Variants in RGS12 observed in about 807,000 individuals in gnomAD.
RGS12 encodes the protein regulator of G protein signaling 12.
Under a neutral mutation model 120.1 loss-of-function variants are expected in RGS12, and 66 were observed. That is an observed-to-expected ratio of 0.55 (90% CI 0.45 to 0.67). The LOEUF is 0.67. Among genes scored for constraint, RGS12 ranks in the 30% least tolerant of loss-of-function variants. The probability of loss-of-function intolerance (pLI) is 0.00; values close to 1 mark genes in which losing one functional copy is unlikely to be tolerated. For synonymous variants in RGS12, 827 were observed against 804.7 expected (o/e 1.03, Z -0.47); for missense variants, 1,859 against 1,957.7 (o/e 0.95, Z 0.95).
rs753793385 is a variant in RGS12 at position 3,420,674 on chromosome 4, C to T, written c.2794C>T (p.Arg932Ter). 2 of 1,613,460 alleles carry T rather than the reference C, an allele frequency of 1.2e-6. No homozygotes were observed. The highest frequency in any genetic ancestry group is 1.7e-6 in the Non-Finnish European group (2 of 1,180,032). ...GCATGCCAATGGAGGCCTGTGTCGC[C>T]GAGAGTCGCAGGGCTCTGTGTCCTC... ...ALHANGGLCR[R>*]ESQGSVSSAG... The change falls in exon 10 of 18, where the codon CGA becomes TGA. Residue 932 changes from arginine (R) to a stop codon, truncating the protein, a stop_gained. Transcript: ENST00000336727. LOFTEE classifies it high-confidence loss of function.
chr4:3,338,888 AATCGGCGGTGATG>A (rs1183046573), intron 2 of RGS12, among the ~76,000 whole-genome samples: 55 of 152,256 alleles, frequency 3.6e-4, no homozygotes, highest in African/African-American at 1.2e-3. Context: ...AGGGGTGCTA[AATCGGCGGTGATG>A]ATCTGAATTT....
chr4:3,422,173 T>C (rs1234570173), intron 10 of RGS12, among the ~76,000 whole-genome samples: 1 of 152,224 alleles, frequency 6.6e-6, no homozygotes, highest in Admixed American at 6.5e-5. Context: ...GACCGCTCTC[T>C]CGTGTTAATT....
chr4:3,410,799 C>G (rs1199417266), intron 4 of RGS12, among the ~76,000 whole-genome samples: 1 of 152,186 alleles, frequency 6.6e-6, no homozygotes, highest in Non-Finnish European at 1.5e-5. Flanking sequence ...GTCCGGGGGC[C>G]TCCTCCTACC....
chr4:3,416,150 G>A (rs918326713), intron 7 of RGS12, 29 bp downstream of exon 7: 3 of 1,612,832 alleles, frequency 1.9e-6, no homozygotes, highest in Admixed American at 3.3e-5. Flanking sequence ...AGCTTGTGGG[G>A]AGTCCAGGCT....
intron 3 of RGS12, among the ~76,000 whole-genome samples, chr4:3,367,676 G>C (rs866442125): frequency 6.6e-6 from 1 of 152,226 alleles, no homozygotes; most frequent in African/African-American, 2.4e-5. Context: ...GCGGTCACAG[G>C]AGTTCTCCCA....
At chr4:3,386,713 G>A (rs760213609) in intron 4 of RGS12, among the ~76,000 whole-genome samples, 10 of 152,126 alleles carry the variant, frequency 6.6e-5, no homozygotes, top group Non-Finnish European at 1.0e-4. Context: ...GCACCCACCC[G>A]CCTGCCTGTG....
chr4:3,313,497 T>C (rs974288350), intron 1 of RGS12, among the ~76,000 whole-genome samples: 2 of 152,196 alleles, frequency 1.3e-5, no homozygotes, highest in African/African-American at 4.8e-5. Context: ...TGATTCCCCC[T>C]TGTATTTGTT....
Position 3,425,541 on chromosome 4 carries a change from G to A in RGS12, c.3312G>A (p.Lys1104=). The A allele has an allele frequency of 6.2e-7, 1 of 1,610,774 alleles. No individual in the cohort carries two copies. The highest frequency in any genetic ancestry group is 1.1e-5 in the South Asian group (1 of 90,818). ...LDGQRVVLEE[K]DPSRGKASAD... ...GACAGCGGGTTGTCTTGGAGGAGAAGGATCCTTCCAGAGGAAAGGGTGAGT... is the reference window on the plus strand; with the variant it reads ...GACAGCGGGTTGTCTTGGAGGAGAAAGATCCTTCCAGAGGAAAGGGTGAGT... The change falls in exon 14 of 18, where the codon AAG becomes AAA. Residue 1104 remains lysine, a synonymous_variant. Transcript: ENST00000336727.
At chr4:3,342,519 T>C in intron 2 of RGS12, 3 of 1,291,740 alleles carry the variant, frequency 2.3e-6, no homozygotes, top group Non-Finnish European at 3.0e-6. Flanking sequence ...AAAGCACGAC[T>C]TTGCTGAAAA....
At chr4:3,429,791 G>A (rs568040509) in intron 16 of RGS12, among the ~76,000 whole-genome samples, 25 of 152,308 alleles carry the variant, frequency 1.6e-4, no homozygotes, top group Non-Finnish European at 3.4e-4. Flanking sequence ...GCTTCAGTGC[G>A]GAGAGGGAGA....
chr4:3,296,055 AC>A (rs1195476369), intron 1 of RGS12, among the ~76,000 whole-genome samples: 4 of 151,582 alleles, frequency 2.6e-5, no homozygotes, highest in Admixed American at 6.6e-5. Context: ...AGAGCCGTTC[AC>A]CCCCCTGGTC....
chr4:3,362,800 AAT>A (rs1432248538), intron 3 of RGS12, among the ~76,000 whole-genome samples: 5 of 131,170 alleles, frequency 3.8e-5, no homozygotes, highest in South Asian at 2.6e-4. Context: ...GGTGTGTGTG[AAT>A]ATGAGAGTGA....
chr4:3,327,765 G>T (rs1198348262), intron 2 of RGS12, among the ~76,000 whole-genome samples: 1 of 152,152 alleles, frequency 6.6e-6, no homozygotes, highest in East Asian at 1.9e-4. Flanking sequence ...GTTGTCAAGG[G>T]AACTCTTATA....
intron 1 of RGS12, among the ~76,000 whole-genome samples, chr4:3,293,461 C>G (rs1723170982): frequency 6.6e-6 from 1 of 151,102 alleles, no homozygotes; most frequent in Non-Finnish European, 1.5e-5. Context: ...CAGGGGGTCC[C>G]GCGGGCGAGA....
intron 3 of RGS12, among the ~76,000 whole-genome samples, chr4:3,379,064 A>C (rs1207453741): frequency 6.6e-6 from 1 of 151,422 alleles, no homozygotes; most frequent in East Asian, 1.9e-4. Flanking sequence ...GAGAATGAGA[A>C]TAGCATATTC....
intron 4 of RGS12, among the ~76,000 whole-genome samples, chr4:3,392,758 G>A (rs1158852740): frequency 1.3e-5 from 2 of 152,176 alleles, no homozygotes; most frequent in Admixed American, 6.5e-5. Context: ...GGAGGCTGAG[G>A]TGGGCGGATC....
chr4:3,392,305 A>G (rs867108975), intron 4 of RGS12, among the ~76,000 whole-genome samples: 1 of 152,196 alleles, frequency 6.6e-6, no homozygotes, highest in Non-Finnish European at 1.5e-5. Context: ...GTTTTCAGCA[A>G]TTTGATTATG....
intron 2 of RGS12, among the ~76,000 whole-genome samples, chr4:3,326,141 A>T (rs1012260921): frequency 6.6e-6 from 1 of 152,248 alleles, no homozygotes; most frequent in East Asian, 1.9e-4. Flanking sequence ...CATCACTCCT[A>T]TTCAACATAG....
At chr4:3,386,371 G>A (rs755761022) in intron 3 of RGS12, 45 bp from the exon 4 acceptor site, 3 of 1,595,590 alleles carry the variant, frequency 1.9e-6, no homozygotes, top group Non-Finnish European at 2.6e-6. Flanking sequence ...CTGGAGTTTT[G>A]TCATGAGGCT....
Sources: gnomAD v4.1 joint callset for allele counts (sites outside exome capture counted in the v4.1 genomes callset) on GRCh38, gnomAD v4.1.1 for gene constraint, MANE v1.5 for transcripts, NCBI Gene and HGNC (gene_info 2026-07-23, HGNC 2026-07-21) for gene names.